RPS6KC1: variants seen among roughly 807,000 people sequenced by gnomAD.
RPS6KC1 encodes the protein ribosomal protein S6 kinase C1.
In RPS6KC1, 54 loss-of-function variants were observed where a neutral mutation model predicts 103.8. The ratio of observed to expected loss-of-function variants is 0.52; its 90% CI spans 0.42 to 0.65. The LOEUF (loss-of-function observed/expected upper bound fraction) is 0.65, where lower values mean the gene tolerates loss of function less well. RPS6KC1 is among the 30% of genes least tolerant of loss of function. RPS6KC1 has a pLI of 0.00. For synonymous variants in RPS6KC1, 439 were observed against 438.7 expected, an observed-to-expected ratio of 1.00 and a Z score of -0.01; for missense variants, 1,151 against 1,253.8, an observed-to-expected ratio of 0.92 and a Z score of 1.24.
chr1:213,337,887 C>T, the RPS6KC1 span, among the ~76,000 whole-genome samples: 1 of 152,068 alleles, frequency 6.6e-6, no homozygotes, highest in African/African-American at 2.4e-5. Context: ...CACAAAAGTA[C>T]GTACTGTAGT....
At chr1:213,587,505 T>C in the RPS6KC1 span, among the ~76,000 whole-genome samples, 1 of 152,216 alleles carries the variant, frequency 6.6e-6, no homozygotes, top group Non-Finnish European at 1.5e-5. Context: ...ATCATCCATA[T>C]CTGCAGATAA....
chr1:213,788,241 T>C, the RPS6KC1 span, among the ~76,000 whole-genome samples: 1 of 152,220 alleles, frequency 6.6e-6, no homozygotes, highest in East Asian at 1.9e-4. Context: ...GCCTAGGGGA[T>C]GTGCTTGCTC....
chr1:213,243,551 T>G (rs1450802507), intron 12 of RPS6KC1, among the ~76,000 whole-genome samples: 1 of 152,204 alleles, frequency 6.6e-6, no homozygotes, highest in African/African-American at 2.4e-5. Flanking sequence ...AAATTAGAGA[T>G]TTATTCTGTG....
At chr1:213,625,857 C>T in the RPS6KC1 span, among the ~76,000 whole-genome samples, 1 of 152,002 alleles carries the variant, frequency 6.6e-6, no homozygotes, top group African/African-American at 2.4e-5. Context: ...GGTTCCAAGT[C>T]TTTGCTATTG....
chr1:213,850,191 G>A, the RPS6KC1 span, among the ~76,000 whole-genome samples: 1 of 152,048 alleles, frequency 6.6e-6, no homozygotes, highest in South Asian at 2.1e-4. Context: ...TAATAAGAAT[G>A]CTTCTGCCAT....
the RPS6KC1 span, among the ~76,000 whole-genome samples, chr1:213,376,084 C>CTGTGTGTGTGTG: frequency 1.4e-5 from 2 of 140,338 alleles, no homozygotes; most frequent in African/African-American, 5.3e-5. Context: ...CTCGTGACAA[C>CTGTGTGTGTGTG]TGTGTGTGTG....
chr1:213,758,854 A>T, the RPS6KC1 span, among the ~76,000 whole-genome samples: 17 of 152,336 alleles, frequency 1.1e-4, no homozygotes, highest in Admixed American at 3.9e-4. Flanking sequence ...GCTTCTTGAG[A>T]TGGAATCTAC....
the RPS6KC1 span, among the ~76,000 whole-genome samples, chr1:213,465,962 A>T: frequency 1.1e-4 from 17 of 152,056 alleles, no homozygotes; most frequent in Non-Finnish European, 4.4e-5. Context: ...TTCTTCTTAG[A>T]GAAAAATCTT....
the RPS6KC1 span, among the ~76,000 whole-genome samples, chr1:213,444,713 C>T: frequency 8.1e-6 from 1 of 123,124 alleles, no homozygotes; most frequent in East Asian, 2.3e-4. Flanking sequence ...CATTGCACTC[C>T]AGCCTGGGCA....
chr1:213,511,404 C>T, the RPS6KC1 span, among the ~76,000 whole-genome samples: 3 of 152,164 alleles, frequency 2.0e-5, no homozygotes, highest in African/African-American at 7.2e-5. Context: ...AAGGCATTGA[C>T]ATTTTTGCAC....
chr1:213,793,770 T>G, the RPS6KC1 span, among the ~76,000 whole-genome samples: 1 of 152,208 alleles, frequency 6.6e-6, no homozygotes, highest in African/African-American at 2.4e-5. Context: ...ATGAACACTT[T>G]TCTGTCTGAT....
the RPS6KC1 span, among the ~76,000 whole-genome samples, chr1:213,435,721 TC>T: frequency 6.6e-6 from 1 of 152,226 alleles, no homozygotes; most frequent in Non-Finnish European, 1.5e-5. Context: ...TCTAATCCTT[TC>T]TTGTTGTTCT....
chr1:213,488,653 G>T, the RPS6KC1 span, among the ~76,000 whole-genome samples: 1 of 152,314 alleles, frequency 6.6e-6, no homozygotes, highest in East Asian at 1.9e-4. Flanking sequence ...TAAGCACCTG[G>T]ACATTGTGGT....
At chr1:213,408,130 T>C in the RPS6KC1 span, among the ~76,000 whole-genome samples, 1 of 152,350 alleles carries the variant, frequency 6.6e-6, no homozygotes, top group Admixed American at 6.5e-5. Context: ...CCTGGCTCTC[T>C]CTTAAACTTG....
the RPS6KC1 span, among the ~76,000 whole-genome samples, chr1:213,366,554 T>C: frequency 6.6e-6 from 1 of 152,210 alleles, no homozygotes; most frequent in African/African-American, 2.4e-5. Context: ...CAACTCTCGT[T>C]GTAGCACAAA....
At chr1:213,392,125 C>T in the RPS6KC1 span, among the ~76,000 whole-genome samples, 1 of 152,124 alleles carries the variant, frequency 6.6e-6, no homozygotes, top group East Asian at 1.9e-4. Flanking sequence ...GCCCCCAGTA[C>T]AGAAAAAGTC....
chr1:213,427,966 T>C, the RPS6KC1 span, among the ~76,000 whole-genome samples: 30 of 152,342 alleles, frequency 2.0e-4, 1 homozygote, highest in South Asian at 5.8e-3. Context: ...TCTCATGGCC[T>C]TCTGTGCTGT....
the RPS6KC1 span, among the ~76,000 whole-genome samples, chr1:213,421,472 G>A: frequency 5.9e-5 from 9 of 152,174 alleles, no homozygotes. Context: ...CTCTTCATTA[G>A]GTATGTCTTT....
At chr1:213,680,604 T>C in the RPS6KC1 span, among the ~76,000 whole-genome samples, 1 of 152,196 alleles carries the variant, frequency 6.6e-6, no homozygotes, top group Non-Finnish European at 1.5e-5. Context: ...CTAAGATCCA[T>C]GTTAGGACAT....
Sources: allele counts gnomAD v4.1 joint callset (sites outside exome capture counted in the v4.1 genomes callset), GRCh38; gene constraint gnomAD v4.1.1; transcripts MANE v1.5; gene names NCBI Gene and HGNC (gene_info 2026-07-23, HGNC 2026-07-21).